The following RIT2 variants were observed in gnomAD, a reference collection of about 807,000 sequenced individuals.
RIT2 encodes GTP-binding protein Rit2.
RIT2 carries 24 observed loss-of-function variants against 23.7 expected under a neutral mutation model. The ratio of observed to expected loss-of-function variants is 1.01; its 90% CI spans 0.73 to 1.43. The LOEUF (loss-of-function observed/expected upper bound fraction) is 1.43, where lower values mean the gene tolerates loss of function less well. Among genes scored for constraint, RIT2 ranks in the 40% most tolerant of loss-of-function variants. The probability of loss-of-function intolerance (pLI) is 0.00; values close to 1 mark genes in which losing one functional copy is unlikely to be tolerated. For missense variants in RIT2, 236 were observed against 266.9 expected (o/e 0.88, Z 0.81); for synonymous variants, 107 against 91.1 (o/e 1.17, Z -0.99).
intron 1 of RIT2, among the ~76,000 whole-genome samples, chr18:43,101,924 A>G (rs1365587752): frequency 6.6e-6 from 1 of 152,200 alleles, no homozygotes; most frequent in East Asian, 1.9e-4. Context: ...CTAAACAAAA[A>G]ATAGACAAAA....
At chr18:42,892,901 A>C (rs1568023366) in intron 4 of RIT2, among the ~76,000 whole-genome samples, 1 of 152,184 alleles carries the variant, frequency 6.6e-6, no homozygotes, top group Non-Finnish European at 1.5e-5. Flanking sequence ...CTGAAGTGAA[A>C]GAACTAACAC....
At chr18:42,830,588 A>C (rs945679215) in intron 4 of RIT2, among the ~76,000 whole-genome samples, 1 of 152,198 alleles carries the variant, frequency 6.6e-6, no homozygotes, top group East Asian at 1.9e-4. Context: ...ACGTGTATAG[A>C]GCCAAGCTCT....
At chr18:42,918,236 G>A (rs914777312) in intron 4 of RIT2, among the ~76,000 whole-genome samples, 11 of 152,082 alleles carry the variant, frequency 7.2e-5, no homozygotes, top group African/African-American at 1.4e-4. Context: ...TGACAGTAGC[G>A]AAAACATATA....
At chr18:43,112,385 C>G (rs1913973240) in intron 1 of RIT2, among the ~76,000 whole-genome samples, 1 of 152,174 alleles carries the variant, frequency 6.6e-6, no homozygotes, top group African/African-American at 2.4e-5. Context: ...GCCTGCCATG[C>G]AATGGGGGCT....
intron 4 of RIT2, among the ~76,000 whole-genome samples, chr18:42,849,568 A>G (rs961610778): frequency 1.3e-5 from 2 of 152,142 alleles, no homozygotes; most frequent in Non-Finnish European, 2.9e-5. Context: ...AGCACCCAAT[A>G]TAGTCATTGA....
intron 3 of RIT2, among the ~76,000 whole-genome samples, chr18:42,944,278 C>T (rs1909673011): frequency 6.6e-6 from 1 of 152,136 alleles, no homozygotes. Context: ...GCCAGGCAAA[C>T]TCTCACACTT....
intron 1 of RIT2, among the ~76,000 whole-genome samples, chr18:43,097,468 C>G (rs1024492708): frequency 5.9e-5 from 9 of 151,822 alleles, no homozygotes; most frequent in Non-Finnish European, 1.2e-4. Context: ...GGATATTTAC[C>G]TCTTAGTTCT....
intron 2 of RIT2, among the ~76,000 whole-genome samples, chr18:42,978,137 C>T (rs1329327200): frequency 6.6e-6 from 1 of 151,830 alleles, no homozygotes; most frequent in Admixed American, 6.6e-5. Flanking sequence ...GCCAGGGGCA[C>T]GCTGAGTAAT....
chr18:42,777,649 G>A (rs1913705867), intron 4 of RIT2, among the ~76,000 whole-genome samples: 1 of 152,100 alleles, frequency 6.6e-6, no homozygotes, highest in South Asian at 2.1e-4. Flanking sequence ...TTTAGATCCA[G>A]GTCACCCCTC....
chr18:42,827,459 T>C (rs1275621796), intron 4 of RIT2, among the ~76,000 whole-genome samples: 1 of 151,968 alleles, frequency 6.6e-6, no homozygotes, highest in Non-Finnish European at 1.5e-5. Context: ...ATGAAGATAT[T>C]TGTACAAAAA....
rs149502916 is a variant in RIT2, at chr18:42,899,614, G to A, written c.426+23958C>T. On this transcript the variant is annotated intron_variant, in intron 4 of 4. Transcript: ENST00000326695. ...CTTTATTTCGATTCATGGTCAAAGC[G>A]TGAGGTAATGCAAACCTGAGGTGCA... is the stretch of plus-strand genomic sequence containing the variant. Among the ~76,000 whole-genome samples, 25 of 152,062 alleles carry A rather than the reference G, an allele frequency of 1.6e-4. No homozygotes were observed. The East Asian group carries it at 3.7e-3, about 23-fold the overall frequency.
intron 4 of RIT2, among the ~76,000 whole-genome samples, chr18:42,891,529 A>G (rs750116583): frequency 1.3e-5 from 2 of 152,204 alleles, no homozygotes; most frequent in Non-Finnish European, 2.9e-5. Context: ...TAAACAAACC[A>G]TGGTATATCC....
chr18:42,932,669 T>C (rs1180665249), intron 3 of RIT2, among the ~76,000 whole-genome samples: 1 of 152,148 alleles, frequency 6.6e-6, no homozygotes, highest in South Asian at 2.1e-4. Context: ...AATTTTTTTT[T>C]TGCAGATGAG....
chr18:43,105,344 C>T (rs1913787776), intron 1 of RIT2, among the ~76,000 whole-genome samples: 1 of 149,654 alleles, frequency 6.7e-6, no homozygotes, highest in African/African-American at 2.5e-5. Context: ...AATATTCAAC[C>T]CAAATTGTAT....
At position 43,110,978 on chromosome 18, in the gene RIT2, C is replaced by A. The variant is rs867546803; in HGVS notation, c.103+4439G>T. Among the ~76,000 whole-genome samples the A allele has an allele frequency of 7.9e-5, 12 of 152,154 alleles. 1 individual carries two copies. Among genetic ancestry groups the A allele is most frequent in the Middle Eastern group, 3.4e-3 (1 of 294 alleles). On this transcript the variant is annotated intron_variant, in intron 1 of 4. Transcript: ENST00000326695. ...CATAGCTACTTTTTATAGGGGGTGGCAGTATCAGCAGCTAAAATCTACTAA... is the reference window on the plus strand; with the variant it reads ...CATAGCTACTTTTTATAGGGGGTGGAAGTATCAGCAGCTAAAATCTACTAA...
intron 4 of RIT2, among the ~76,000 whole-genome samples, chr18:42,915,950 T>G (rs1415232901): frequency 6.6e-6 from 1 of 151,934 alleles, no homozygotes; most frequent in Non-Finnish European, 1.5e-5. Context: ...ATATATTTTT[T>G]TCTTTTAGTT....
intron 4 of RIT2, among the ~76,000 whole-genome samples, chr18:42,813,642 A>C (rs1568002910): frequency 1.3e-5 from 2 of 152,234 alleles, no homozygotes; most frequent in Non-Finnish European, 2.9e-5. Flanking sequence ...TCAGTAAAAG[A>C]AATAAATTCA....
At chr18:42,986,507 A>T (rs1910713670) in intron 2 of RIT2, among the ~76,000 whole-genome samples, 1 of 151,428 alleles carries the variant, frequency 6.6e-6, no homozygotes, top group Admixed American at 6.6e-5. Context: ...CATTTTATTT[A>T]TTTATTTATT....
chr18:42,743,726 G>GA lies in RIT2; in HGVS notation c.427-7dup. 6.3e-7 allele frequency: 1 copy of GA among 1,576,096 alleles called. No individual in the cohort carries two copies. Among genetic ancestry groups the GA allele is most frequent in the Non-Finnish European group, 8.7e-7 (1 of 1,154,806 alleles). On this transcript the variant is annotated splice_polypyrimidine_tract_variant and splice_region_variant and intron_variant, in intron 4 of 4. Transcript: ENST00000326695. ...AAGCCTTCTTCTGTAGAAACCTAAG[G>GA]AAAAAACAAATAATATTAAAAAGAC...
Sources: gnomAD v4.1 joint callset for allele counts (sites outside exome capture counted in the v4.1 genomes callset) on GRCh38, gnomAD v4.1.1 for gene constraint, MANE v1.5 for transcripts, NCBI Gene and HGNC (gene_info 2026-07-23, HGNC 2026-07-21) for gene names.